KIF25: variants seen among roughly 807,000 people sequenced by gnomAD.
The protein encoded by KIF25 is kinesin-like protein KIF25.
Under a neutral mutation model 32.9 loss-of-function variants are expected in KIF25, and 19 were observed. The observed-to-expected ratio is 0.58, with a 90% CI of 0.40 to 0.85. KIF25 has a LOEUF of 0.85. Ranked by LOEUF, KIF25 falls within the 40% of genes least tolerant of loss-of-function variation. KIF25 has a pLI of 0.00. For synonymous variants in KIF25, 225 were observed against 213.7 expected (o/e 1.05, Z -0.46); for missense variants, 485 against 507.0 (o/e 0.96, Z 0.42).
At chr6:167,999,807 G>A (rs191571020) in intron 2 of KIF25, among the ~76,000 whole-genome samples, 58 of 152,288 alleles carry the variant, frequency 3.8e-4, no homozygotes, top group African/African-American at 1.4e-3. Context: ...AAAATTATCT[G>A]AAGTTCATTT....
At chr6:168,009,606 C>T (rs1266668888) in intron 4 of KIF25, among the ~76,000 whole-genome samples, 1 of 152,048 alleles carries the variant, frequency 6.6e-6, no homozygotes, top group Non-Finnish European at 1.5e-5. Context: ...AGCAAGAATT[C>T]CCCCTGCTTC....
chr6:168,042,440 C>A, intron 11 of KIF25, 121 bp from the exon 12 acceptor site: 1 of 1,257,222 alleles, frequency 8.0e-7, no homozygotes, highest in East Asian at 2.3e-5. Context: ...ACTCTCATGC[C>A]TGTCCCGTCC....
intron 4 of KIF25, among the ~76,000 whole-genome samples, chr6:168,005,385 C>T (rs754550454): frequency 5.9e-5 from 9 of 152,132 alleles, no homozygotes; most frequent in Non-Finnish European, 8.8e-5. Context: ...ACAGCCTGCA[C>T]GCTGCCCTGC....
intron 2 of KIF25, among the ~76,000 whole-genome samples, chr6:168,001,448 C>T (rs892330834): frequency 5.9e-5 from 9 of 152,234 alleles, no homozygotes; most frequent in African/African-American, 2.2e-4. Context: ...ACCAGCCTCC[C>T]TGCGAGCCTC....
At chr6:168,034,282 A>G (rs992124652) in intron 8 of KIF25, among the ~76,000 whole-genome samples, 2 of 152,150 alleles carry the variant, frequency 1.3e-5, no homozygotes, top group African/African-American at 4.8e-5. Flanking sequence ...TTTTAGAGAC[A>G]AGGTCTTGCT....
chr6:167,999,551 G>C (rs959746414), intron 2 of KIF25, among the ~76,000 whole-genome samples: 1 of 152,208 alleles, frequency 6.6e-6, no homozygotes. Context: ...CAGGCCTCTC[G>C]TGCGTGGTAG....
At chr6:168,019,563 A>T (rs1024176626) in intron 5 of KIF25, among the ~76,000 whole-genome samples, 4 of 152,218 alleles carry the variant, frequency 2.6e-5, no homozygotes, top group African/African-American at 9.7e-5. Context: ...ACGTGAAACC[A>T]GGGAGACTCC....
intron 7 of KIF25, among the ~76,000 whole-genome samples, chr6:168,031,151 C>T (rs1456968100): frequency 6.6e-6 from 1 of 152,192 alleles, no homozygotes; most frequent in Non-Finnish European, 1.5e-5. Context: ...CTGCCATTCT[C>T]TCTGGGATTC....
chr6:168,040,763 T>C (rs937451819), intron 10 of KIF25, among the ~76,000 whole-genome samples: 1 of 152,070 alleles, frequency 6.6e-6, no homozygotes, highest in Non-Finnish European at 1.5e-5. Context: ...TAAAATATAA[T>C]GCAGAAAGAA....
intron 5 of KIF25, among the ~76,000 whole-genome samples, chr6:168,027,629 G>A (rs1304969246): frequency 6.6e-6 from 1 of 152,132 alleles, no homozygotes; most frequent in East Asian, 1.9e-4. Context: ...GGGGGTGCCA[G>A]GTCCCAGGGC....
At chr6:168,022,912 T>C (rs1374945588) in intron 5 of KIF25, among the ~76,000 whole-genome samples, 1 of 152,158 alleles carries the variant, frequency 6.6e-6, no homozygotes, top group Non-Finnish European at 1.5e-5. Context: ...TTCTCTGCCC[T>C]GTGGGCTCCT....
At chr6:168,041,485 C>A (rs2267953) in intron 10 of KIF25, among the ~76,000 whole-genome samples, 87,647 of 152,126 alleles carry the variant, frequency 0.58, 25,262 homozygotes, top group Non-Finnish European at 0.61. Context: ...ATTGTGTATA[C>A]TTTCTATGTT....
At position 168,042,601 on chromosome 6, in the gene KIF25, G is replaced by T. The variant is rs371921249; in HGVS notation, c.870G>T (p.Ala290=). 2 of 1,613,836 alleles carry T rather than the reference G, an allele frequency of 1.2e-6. No homozygotes were observed. The highest frequency in any genetic ancestry group is 3.3e-5 in the Admixed American group (2 of 59,996). Residue 290 remains alanine, a synonymous_variant, in exon 12 of 13, where the codon GCG becomes GCT. Coordinates refer to ENST00000643607, the MANE Select transcript of KIF25 (RefSeq NM_030615.4). ...GVTGLALREM[A]CISRSLAALA... ...CCGGGTTGGCCCTGAGGGAGATGGC[G>T]TGCATCAGCCGCAGCCTTGCGGCCC...
Position 168,042,909 on chromosome 6 carries a change from G to A in KIF25, c.985+193G>A, listed in dbSNP as rs557389784. Among the ~76,000 whole-genome samples, 6 of 152,266 alleles carry A rather than the reference G, an allele frequency of 3.9e-5. No individual in the cohort carries two copies. The East Asian group carries it at 9.7e-4, about 25-fold the overall frequency. On this transcript the variant is annotated intron_variant, in intron 12 of 12. Coordinates refer to ENST00000643607, the MANE Select transcript of KIF25 (RefSeq NM_030615.4). ...CGCCGTCTCACCTTGGCCTGATTGT[G>A]TGCTTGTTCGGTCTGTGTGTGACTT...
intron 4 of KIF25, among the ~76,000 whole-genome samples, chr6:168,004,687 G>A (rs929693057): frequency 2.6e-5 from 4 of 152,182 alleles, no homozygotes; most frequent in African/African-American, 9.7e-5. Flanking sequence ...TGAGGGTTCA[G>A]GGTTGCCTCA....
chr6:168,004,016 T>C (rs2285250), intron 4 of KIF25, among the ~76,000 whole-genome samples: 17,515 of 152,176 alleles, frequency 0.12, 1,095 homozygotes, highest in Middle Eastern at 0.18. Context: ...ATCAGTGATA[T>C]CATGGGTGAA....
chr6:168,016,198 GT>G (rs1420988198), intron 4 of KIF25, among the ~76,000 whole-genome samples: 1 of 152,206 alleles, frequency 6.6e-6, no homozygotes, highest in Non-Finnish European at 1.5e-5. Context: ...GGGTGTCGGA[GT>G]TTTGCTTCGG....
chr6:168,031,591 A>G (rs556112160), intron 7 of KIF25, among the ~76,000 whole-genome samples: 16 of 152,360 alleles, frequency 1.1e-4, no homozygotes, highest in Non-Finnish European at 2.2e-4. Context: ...TCCGCCAATC[A>G]TGATGCAGTT....
chr6:168,026,468 G>A (rs879467463), intron 5 of KIF25, among the ~76,000 whole-genome samples: 10 of 152,098 alleles, frequency 6.6e-5, no homozygotes, highest in Non-Finnish European at 5.9e-5. Flanking sequence ...CAGGATCACC[G>A]TGTTTTTATA....
Sources: gnomAD v4.1 joint callset for allele counts (sites outside exome capture counted in the v4.1 genomes callset) on GRCh38, gnomAD v4.1.1 for gene constraint, MANE v1.5 for transcripts, NCBI Gene and HGNC (gene_info 2026-07-23, HGNC 2026-07-21) for gene names.